Variants in ZBTB8A observed in about 807,000 individuals in gnomAD.
ZBTB8A encodes the protein zinc finger and BTB domain-containing protein 8A.
ZBTB8A carries 19 observed loss-of-function variants against 37.8 expected under a neutral mutation model. That is an observed-to-expected ratio of 0.50 (90% confidence interval 0.35 to 0.74). ZBTB8A has a LOEUF of 0.74. Ranked by LOEUF, ZBTB8A falls within the 30% of genes least tolerant of loss-of-function variation. The pLI is 0.01. For missense variants in ZBTB8A, 394 were observed against 537.8 expected, an observed-to-expected ratio of 0.73 and a Z score of 2.65; for synonymous variants, 181 against 185.2, an observed-to-expected ratio of 0.98 and a Z score of 0.19.
intron 2 of ZBTB8A, among the ~76,000 whole-genome samples, chr1:32,578,828 C>T (rs1283984047): frequency 6.6e-6 from 1 of 152,066 alleles, no homozygotes; most frequent in African/African-American, 2.4e-5. Flanking sequence ...ATCCTGCTGC[C>T]TCAGCTTTTC....
chr1:32,545,594 T>G (rs1644096567), intron 1 of ZBTB8A, among the ~76,000 whole-genome samples: 1 of 152,184 alleles, frequency 6.6e-6, no homozygotes, highest in Non-Finnish European at 1.5e-5. Flanking sequence ...CCCCCAAAAC[T>G]GGAGGGGCTT....
At chr1:32,546,404 A>T (rs7513429) in intron 1 of ZBTB8A, among the ~76,000 whole-genome samples, 1 of 151,906 alleles carries the variant, frequency 6.6e-6, no homozygotes, top group Non-Finnish European at 1.5e-5. Context: ...AGATCATGCC[A>T]CTGCACTCCA....
chr1:32,581,797 G>A (rs2148241459), intron 2 of ZBTB8A, among the ~76,000 whole-genome samples: 1 of 152,240 alleles, frequency 6.6e-6, no homozygotes, highest in South Asian at 2.1e-4. Context: ...TTACAATCAT[G>A]GCAGAAGGTG....
At chr1:32,581,871 G>T (rs968705845) in intron 2 of ZBTB8A, among the ~76,000 whole-genome samples, 1 of 152,108 alleles carries the variant, frequency 6.6e-6, no homozygotes, top group African/African-American at 2.4e-5. Context: ...GGAAATGCCA[G>T]ATGCTTACAA....
At chr1:32,582,102 A>G (rs182672995) in intron 2 of ZBTB8A, among the ~76,000 whole-genome samples, 8 of 152,308 alleles carry the variant, frequency 5.3e-5, no homozygotes, top group Admixed American at 5.2e-4. Context: ...CAGAGGAATT[A>G]TTATATTTTA....
rs1644576319 is a variant in ZBTB8A, at chr1:32,601,535, A to G, written c.*1116A>G. On this transcript the variant is annotated 3_prime_UTR_variant, in exon 5 of 5. Coordinates refer to ENST00000373510, the MANE Select transcript of ZBTB8A (RefSeq NM_001040441.3). The stretch of plus-strand genomic sequence containing the variant: ...CATATGTGAGTGATTTCTAACGTTT[A>G]TGTAGTGCTATATTATTTATAAAGT... 1 of 398,178 alleles carries G rather than the reference A, an allele frequency of 2.5e-6. No individual in the cohort carries two copies. The highest frequency in any genetic ancestry group is 4.4e-6 in the Non-Finnish European group (1 of 225,898). 24.7% of individuals were successfully genotyped at this position (398,178 alleles called of 1,614,324 possible).
chr1:32,587,749 G>A (rs1023711974), intron 2 of ZBTB8A, among the ~76,000 whole-genome samples: 3 of 151,970 alleles, frequency 2.0e-5, no homozygotes, highest in African/African-American at 4.8e-5. Context: ...TTGTATGCTC[G>A]TGAATTGACT....
Position 32,592,976 on chromosome 1 carries a change from C to T in ZBTB8A, c.45C>T (p.Asn15=), listed in dbSNP as rs145237145. The part of the protein sequence containing the change: ...SHQSHLLQQL[N]EQRRQDVFCD... The stretch of plus-strand genomic sequence containing the variant: ...AGTCTCACCTCCTGCAGCAACTGAA[C>T]GAGCAGCGCAGGCAAGATGTATTTT... Residue 15 remains asparagine, a synonymous_variant, in exon 3 of 5, where the codon AAC becomes AAT. Transcript: ENST00000373510. 94 of 1,613,586 alleles carry T rather than the reference C, an allele frequency of 5.8e-5. No individual in the cohort carries two copies. In the East Asian group the frequency reaches 6.7e-4, roughly 11 times the overall value.
intron 2 of ZBTB8A, among the ~76,000 whole-genome samples, chr1:32,565,229 G>C (rs1305185744): frequency 6.6e-6 from 1 of 152,116 alleles, no homozygotes; most frequent in Non-Finnish European, 1.5e-5. Flanking sequence ...AGGAGACTGA[G>C]GTTGAAAGAT....
At chr1:32,580,802 T>G (rs1474975151) in intron 2 of ZBTB8A, among the ~76,000 whole-genome samples, 1 of 151,838 alleles carries the variant, frequency 6.6e-6, no homozygotes, top group Admixed American at 6.6e-5. Flanking sequence ...CTCACAGATC[T>G]CATGCCAGCA....
intron 2 of ZBTB8A, among the ~76,000 whole-genome samples, chr1:32,592,175 C>T (rs1217284320): frequency 1.3e-5 from 2 of 152,046 alleles, no homozygotes; most frequent in Non-Finnish European, 2.9e-5. Context: ...ATGTTGAAAC[C>T]TATTATCTTC....
chr1:32,558,661 GT>G (rs1644221780), intron 2 of ZBTB8A, among the ~76,000 whole-genome samples: 1 of 152,186 alleles, frequency 6.6e-6, no homozygotes, highest in Non-Finnish European at 1.5e-5. Flanking sequence ...GCCTGGGATG[GT>G]TCCTGGGTCC....
At chr1:32,587,152 T>G (rs1644456354) in intron 2 of ZBTB8A, among the ~76,000 whole-genome samples, 1 of 151,710 alleles carries the variant, frequency 6.6e-6, no homozygotes, top group South Asian at 2.1e-4. Flanking sequence ...GGTAGGAGAA[T>G]CGCTTGAACT....
At chr1:32,540,381 A>G (rs1251791240) in intron 1 of ZBTB8A, among the ~76,000 whole-genome samples, 1 of 152,090 alleles carries the variant, frequency 6.6e-6, no homozygotes, top group Non-Finnish European at 1.5e-5. Context: ...TATCACCTCT[A>G]TGCTTGATAA....
chr1:32,576,534 T>A (rs1013061216), intron 2 of ZBTB8A, among the ~76,000 whole-genome samples: 1 of 152,176 alleles, frequency 6.6e-6, no homozygotes, highest in Non-Finnish European at 1.5e-5. Context: ...GTTCAAGCGA[T>A]TCTTCTGCCT....
At chr1:32,569,550 T>C (rs1468996253) in intron 2 of ZBTB8A, among the ~76,000 whole-genome samples, 2 of 151,702 alleles carry the variant, frequency 1.3e-5, no homozygotes, top group Admixed American at 1.3e-4. Flanking sequence ...CCCGTCACCA[T>C]GCCCAGCTAA....
chr1:32,564,132 A>G (rs191918325), intron 2 of ZBTB8A, among the ~76,000 whole-genome samples: 1 of 152,302 alleles, frequency 6.6e-6, no homozygotes, highest in African/African-American at 2.4e-5. Flanking sequence ...GCACTCAGAA[A>G]GGGACACACC....
intron 2 of ZBTB8A, among the ~76,000 whole-genome samples, chr1:32,561,897 C>T (rs934838134): frequency 1.3e-5 from 2 of 152,212 alleles, no homozygotes; most frequent in Admixed American, 6.5e-5. Context: ...GTCTCACATG[C>T]GGGAGCAGGA....
At chr1:32,594,965 C>T (rs765580025) in intron 3 of ZBTB8A, 89 bp from the exon 4 acceptor site, 145 of 1,192,844 alleles carry the variant, frequency 1.2e-4, no homozygotes, top group South Asian at 4.3e-4. Flanking sequence ...TTTTTCTTTC[C>T]TTGTTTCCAT....
Sources: gnomAD v4.1 joint callset for allele counts (sites outside exome capture counted in the v4.1 genomes callset) on GRCh38, gnomAD v4.1.1 for gene constraint, MANE v1.5 for transcripts, NCBI Gene and HGNC (gene_info 2026-07-23, HGNC 2026-07-21) for gene names.